Variants in HOMER2 observed in about 807,000 individuals in gnomAD.
The protein encoded by HOMER2 is homer scaffold protein 2.
A neutral mutation model predicts 47.0 loss-of-function variants in HOMER2; 27 were observed. The ratio of observed to expected loss-of-function variants is 0.57; its 90% CI spans 0.42 to 0.79. HOMER2 has a LOEUF of 0.79. Ranked by LOEUF, HOMER2 falls within the 30% of genes least tolerant of loss-of-function variation. The pLI, the probability that HOMER2 is intolerant of heterozygous loss-of-function variation, is 0.00. For synonymous variants in HOMER2, 161 were observed against 163.8 expected, an observed-to-expected ratio of 0.98 and a Z score of 0.13; for missense variants, 443 against 435.0, an observed-to-expected ratio of 1.02 and a Z score of -0.16.
intron 4 of HOMER2, among the ~76,000 whole-genome samples, chr15:82,860,952 A>AGAGAGAGAGGGAGAGAGAGAGAG (rs56193557): frequency 9.4e-6 from 1 of 106,012 alleles, no homozygotes; most frequent in East Asian, 3.4e-4. Flanking sequence ...TAGAAGATAG[A>AGAGAGAGAGGGAGAGAGAGAGAG]AGATGAGAGA....
intron 1 of HOMER2, among the ~76,000 whole-genome samples, chr15:82,964,439 A>G (rs2054656338): frequency 6.6e-6 from 1 of 152,236 alleles, no homozygotes. Flanking sequence ...TGGACCTATA[A>G]TTAATTTAGC....
At chr15:82,873,795 G>A (rs971758147) in intron 3 of HOMER2, among the ~76,000 whole-genome samples, 2 of 152,234 alleles carry the variant, frequency 1.3e-5, no homozygotes, top group African/African-American at 4.8e-5. Flanking sequence ...TTGGGATGCA[G>A]AGGACAGTCT....
At chr15:82,906,665 C>T in intron 1 of HOMER2, among the ~76,000 whole-genome samples, 1 of 152,134 alleles carries the variant, frequency 6.6e-6, no homozygotes, top group East Asian at 1.9e-4. Flanking sequence ...AACTCCCGAC[C>T]TCAAATGATC....
intron 1 of HOMER2, among the ~76,000 whole-genome samples, chr15:82,962,446 G>A (rs1323659400): frequency 1.3e-5 from 2 of 151,642 alleles, no homozygotes; most frequent in East Asian, 2.0e-4. Flanking sequence ...GGAGGCTGAC[G>A]CAGGCAGATC....
chr15:82,915,351 A>G (rs1265926438), intron 1 of HOMER2, among the ~76,000 whole-genome samples: 1 of 152,072 alleles, frequency 6.6e-6, no homozygotes, highest in Non-Finnish European at 1.5e-5. Context: ...CCTCTTCCAC[A>G]CCACTGTTGG....
intron 3 of HOMER2, among the ~76,000 whole-genome samples, chr15:82,865,060 C>T (rs888160192): frequency 6.6e-6 from 1 of 152,192 alleles, no homozygotes; most frequent in Non-Finnish European, 1.5e-5. Flanking sequence ...TTCACAATGC[C>T]GACAACAGTG....
chr15:82,977,843 T>C (rs2030259073), intron 1 of HOMER2, among the ~76,000 whole-genome samples: 1 of 151,776 alleles, frequency 6.6e-6, no homozygotes, highest in Non-Finnish European at 1.5e-5. Flanking sequence ...TGGGAAAAAA[T>C]TAGTCAAAAA....
In HOMER2 at chr15:82,868,407, C is replaced by A. The variant is rs974305368; in HGVS notation, c.295-4148G>T. 2.7e-5 allele frequency among the ~76,000 whole-genome samples: 4 copies of A among 150,890 alleles called. 1 individual carries two copies. The highest frequency in any genetic ancestry group is 9.7e-5 in the African/African-American group (4 of 41,090). The stretch of plus-strand genomic sequence containing the variant: ...CATGGACATATAGAGAAGAACAACA[C>A]ACACAGAAGCCTACTGGAGGGTGGA... On this transcript the variant is annotated intron_variant, in intron 3 of 8. Transcript: ENST00000450735.
rs900459085 is a variant in HOMER2, at chr15:82,929,816, C to T, written c.5+22715G>A. Reference sequence around the variant, plus strand: ...CAGGATCTTGGCTCACCTCAACCTCCGCCTGCTGGGCTCAAGTGATTCTCC... The same window carrying T: ...CAGGATCTTGGCTCACCTCAACCTCTGCCTGCTGGGCTCAAGTGATTCTCC... On this transcript the variant is annotated intron_variant, in intron 1 of 8. Coordinates refer to ENST00000450735, the MANE Select transcript of HOMER2 (RefSeq NM_004839.4). Among the ~76,000 whole-genome samples, 10 of 151,786 alleles carry T rather than the reference C, an allele frequency of 6.6e-5. No individual in the cohort carries two copies. In the East Asian group the frequency reaches 1.6e-3, roughly 24 times the overall value.
At chr15:82,849,948 G>C in intron 8 of HOMER2, 45 bp from the exon 9 acceptor site, 3 of 1,583,642 alleles carry the variant, frequency 1.9e-6, no homozygotes, top group Non-Finnish European at 2.6e-6. Context: ...TGAGTGACGA[G>C]AGTCATCCTT....
intron 1 of HOMER2, among the ~76,000 whole-genome samples, chr15:82,982,537 G>C (rs2030429519): frequency 6.6e-6 from 1 of 152,158 alleles, no homozygotes; most frequent in Non-Finnish European, 1.5e-5. Context: ...GAAAATACCA[G>C]TTGAGTATCC....
At chr15:82,857,631 G>A (rs1333247447) in intron 5 of HOMER2, among the ~76,000 whole-genome samples, 6 of 151,788 alleles carry the variant, frequency 4.0e-5, no homozygotes, top group Admixed American at 3.3e-4. Context: ...GGGTTTCACC[G>A]TGTTGCCCAG....
intron 1 of HOMER2, among the ~76,000 whole-genome samples, chr15:82,974,544 TGAGGAGA>T: frequency 6.6e-6 from 1 of 152,292 alleles, no homozygotes; most frequent in East Asian, 1.9e-4. Context: ...TGCTCTAATC[TGAGGAGA>T]GAGACATATT....
intron 1 of HOMER2, among the ~76,000 whole-genome samples, chr15:82,901,778 T>A (rs2053125948): frequency 6.6e-6 from 1 of 152,196 alleles, no homozygotes; most frequent in South Asian, 2.1e-4. Context: ...TCCAAATACA[T>A]TCCAAAAAAC....
At chr15:82,891,322 A>G (rs1443688436) in intron 2 of HOMER2, among the ~76,000 whole-genome samples, 1 of 152,126 alleles carries the variant, frequency 6.6e-6, no homozygotes, top group African/African-American at 2.4e-5. Context: ...TAAAATGAGG[A>G]CTTCTGGGGT....
chr15:82,972,115 G>T (rs1312791636), intron 1 of HOMER2, among the ~76,000 whole-genome samples: 1 of 152,112 alleles, frequency 6.6e-6, no homozygotes, highest in Non-Finnish European at 1.5e-5. Context: ...CACATTTATG[G>T]AGTGTGCAGC....
intron 2 of HOMER2, among the ~76,000 whole-genome samples, chr15:82,880,660 G>A (rs1693343630): frequency 6.6e-6 from 1 of 152,212 alleles, no homozygotes; most frequent in South Asian, 2.1e-4. Context: ...CGCCCATGGA[G>A]ACACTGGAAG....
At chr15:82,847,021 G>T, downstream of HOMER2, 1 of 152,314 alleles carries the variant, frequency 6.6e-6, no homozygotes, top group Non-Finnish European at 1.5e-5. Flanking sequence ...GCCAGTCTTG[G>T]AAACACCAAA....
At chr15:82,855,131 T>C (rs1596303527) in intron 5 of HOMER2, among the ~76,000 whole-genome samples, 1 of 151,726 alleles carries the variant, frequency 6.6e-6, no homozygotes, top group East Asian at 1.9e-4. Flanking sequence ...GGTCAAGAAA[T>C]CGAGACCATC....
Sources: allele counts gnomAD v4.1 joint callset (sites outside exome capture counted in the v4.1 genomes callset), GRCh38; gene constraint gnomAD v4.1.1; transcripts MANE v1.5; gene names NCBI Gene and HGNC (gene_info 2026-07-23, HGNC 2026-07-21).